The following KCNQ1 variants were observed in gnomAD, a reference collection of about 807,000 sequenced individuals.
The protein encoded by KCNQ1 is potassium voltage-gated channel subfamily KQT member 1.
A neutral mutation model predicts 72.4 loss-of-function variants in KCNQ1; 49 were observed. The observed-to-expected ratio is 0.68, with a 90% CI of 0.54 to 0.86. KCNQ1 has a LOEUF of 0.86. Among genes scored for constraint, KCNQ1 ranks in the 40% least tolerant of loss-of-function variants. KCNQ1 has a pLI of 0.00. For synonymous variants in KCNQ1, 450 were observed against 412.6 expected (o/e 1.09, Z -1.10); for missense variants, 790 against 945.1 (o/e 0.84, Z 2.15).
chr11:2,669,709 C>A lies in KCNQ1; in HGVS notation c.1514+7628C>A, dbSNP rs867493320. The A allele has an allele frequency of 5.0e-6, 2 of 398,666 alleles. No homozygotes were observed. Among genetic ancestry groups the A allele is most frequent in the South Asian group, 2.5e-4 (2 of 7,862 alleles). 24.7% of individuals were successfully genotyped at this position (398,666 alleles called of 1,614,324 possible). ...GGAGATGGTGTTAGGCATCCAGCCACATACCTGACTCGGGGAAATGCCTGA... is the reference window on the plus strand; with the variant it reads ...GGAGATGGTGTTAGGCATCCAGCCAAATACCTGACTCGGGGAAATGCCTGA... On this transcript the variant is annotated intron_variant, in intron 11 of 15. Coordinates refer to ENST00000155840, the MANE Select transcript of KCNQ1 (RefSeq NM_000218.3). This position sits in a 1 kb window ranked among gnomAD's most constrained non-coding sequence, Gnocchi z 5.6.
At chr11:2,692,678 T>C in intron 11 of KCNQ1, 1 of 398,708 alleles carries the variant, frequency 2.5e-6, no homozygotes, top group Non-Finnish European at 4.4e-6. Context: ...CAACATTAGT[T>C]AGTCTTTCTC....
At chr11:2,778,277 C>T (rs969470289) in intron 15 of KCNQ1, among the ~76,000 whole-genome samples, 8 of 152,240 alleles carry the variant, frequency 5.3e-5, no homozygotes, top group Non-Finnish European at 1.2e-4. Flanking sequence ...TGACAAGTGG[C>T]GTCTTTACTG....
At chr11:2,837,315 A>G (rs1848089298) in intron 15 of KCNQ1, among the ~76,000 whole-genome samples, 2 of 152,118 alleles carry the variant, frequency 1.3e-5, no homozygotes, top group South Asian at 4.1e-4. Context: ...GGAGCTGGGG[A>G]CGAGGGGCCT....
At chr11:2,448,593 C>T (rs1292365956) in intron 1 of KCNQ1, among the ~76,000 whole-genome samples, 1 of 152,198 alleles carries the variant, frequency 6.6e-6, no homozygotes, top group African/African-American at 2.4e-5. Context: ...GGCAGGGAGG[C>T]CAGAGGCCAA....
intron 10 of KCNQ1, chr11:2,629,217 T>C: frequency 2.5e-6 from 1 of 398,400 alleles, no homozygotes; most frequent in Non-Finnish European, 4.4e-6. Flanking sequence ...ATTCTATTGA[T>C]CTATGAACAC....
chr11:2,756,237 G>A (rs559811482), intron 11 of KCNQ1, among the ~76,000 whole-genome samples: 3 of 152,294 alleles, frequency 2.0e-5, no homozygotes, highest in Admixed American at 1.3e-4. Flanking sequence ...GTGTTGCAAC[G>A]CTGTTCACAA....
Position 2,808,452 on chromosome 11 carries a change from AT to A in KCNQ1, c.1794+30418del, listed in dbSNP as rs1418715602. 6.6e-6 allele frequency among the ~76,000 whole-genome samples: 1 copy of A among 152,232 alleles called. No homozygotes were observed. Among genetic ancestry groups the A allele is most frequent in the African/African-American group, 2.4e-5 (1 of 41,462 alleles). On this transcript the variant is annotated intron_variant, in intron 15 of 15. Transcript: ENST00000155840. This position sits in a 1 kb window ranked among gnomAD's most constrained non-coding sequence, Gnocchi z 6.0. ...CAGGGAAGACCTCCGAGGGAGGGGCATTTGAAAATAGCATTCAGAGTTGCTA... is the reference window on the plus strand; with the variant it reads ...CAGGGAAGACCTCCGAGGGAGGGGCATTGAAAATAGCATTCAGAGTTGCTA...
chr11:2,480,156 T>G (rs1382525238), intron 1 of KCNQ1, among the ~76,000 whole-genome samples: 1 of 152,208 alleles, frequency 6.6e-6, no homozygotes, highest in Non-Finnish European at 1.5e-5. Flanking sequence ...CACATTTTCT[T>G]GTCATCTTCT....
chr11:2,637,795 C>G (rs7102138), intron 10 of KCNQ1: 132,564 of 152,164 alleles, frequency 0.87, 57,796 homozygotes, highest in East Asian at 0.91. Flanking sequence ...GTTAAAGTCT[C>G]CCATTATTAT....
chr11:2,658,229 C>A lies in KCNQ1; in HGVS notation c.1394-3732C>A, dbSNP rs959958960. ...TCAGCATTCATTCATGGATCGTTTT[C>A]CTGCAGCAAATATTACCGTGATGTA... On this transcript the variant is annotated intron_variant, in intron 10 of 15. Transcript: ENST00000155840. The surrounding 1 kb of genome is among the most constrained non-coding windows in gnomAD (Gnocchi z 4.9). The A allele has an allele frequency of 2.5e-6, 1 of 398,578 alleles. No homozygotes were observed. The allele number at this position is 398,578 out of a possible 1,614,324, so 24.7% of individuals were successfully genotyped here. A position where few individuals can be genotyped will look rare whatever the true frequency, so the allele number is the denominator to read the frequency against.
In KCNQ1 at chr11:2,772,347, G is replaced by A. The variant is rs555042609; in HGVS notation, c.1590+3428G>A. 2.6e-4 allele frequency among the ~76,000 whole-genome samples: 40 copies of A among 152,194 alleles called. No homozygotes were observed. Among genetic ancestry groups the A allele is most frequent in the African/African-American group, 8.2e-4 (34 of 41,534 alleles). On this transcript the variant is annotated intron_variant, in intron 12 of 15. Coordinates refer to ENST00000155840, the MANE Select transcript of KCNQ1 (RefSeq NM_000218.3). This position sits in a 1 kb window ranked among gnomAD's most constrained non-coding sequence, Gnocchi z 6.6. ...ACCCCTGTGTCTGGCCCAAGGAGCC[G>A]GAGCCTCTCCACCCTTCAAGTGTGC...
intron 2 of KCNQ1, among the ~76,000 whole-genome samples, chr11:2,533,234 C>T (rs1409594241): frequency 6.6e-6 from 1 of 152,244 alleles, no homozygotes; most frequent in African/African-American, 2.4e-5. Context: ...AAGGAAACCC[C>T]AGCGCGGCCT....
Position 2,447,855 on chromosome 11 carries a change from G to A in KCNQ1, c.386+2371G>A, listed in dbSNP as rs947775416. Among the ~76,000 whole-genome samples, 37 of 152,180 alleles carry A rather than the reference G, an allele frequency of 2.4e-4. No individual in the cohort carries two copies. Among genetic ancestry groups the A allele is most frequent in the Non-Finnish European group, 4.0e-4 (27 of 68,004 alleles). ...TCCGCTGACCCTACAGGGCTAGGGCGAACTCTCCTGTGTGCGCCTGGGGAA... is the reference window on the plus strand; with the variant it reads ...TCCGCTGACCCTACAGGGCTAGGGCAAACTCTCCTGTGTGCGCCTGGGGAA... On this transcript the variant is annotated intron_variant, in intron 1 of 15. Coordinates refer to ENST00000155840, the MANE Select transcript of KCNQ1 (RefSeq NM_000218.3). The surrounding 1 kb of genome is among the most constrained non-coding windows in gnomAD (Gnocchi z 7.6).
intron 11 of KCNQ1, among the ~76,000 whole-genome samples, chr11:2,741,310 CA>C (rs1188916754): frequency 6.6e-6 from 1 of 152,222 alleles, no homozygotes; most frequent in Non-Finnish European, 1.5e-5. Context: ...GCAGTCACCC[CA>C]GAGAGGTCTG....
At position 2,618,562 on chromosome 11, in the gene KCNQ1, T is replaced by G. The variant is rs1589984699; in HGVS notation, c.1393+29708T>G. On this transcript the variant is annotated intron_variant, in intron 10 of 15. Transcript: ENST00000155840. ...CTATTCTGTTCCACTGGTCTACATG[T>G]TTGTTTTTTATGCCAGGACCATACT... is the stretch of plus-strand genomic sequence containing the variant. 51 of 398,476 alleles carry G rather than the reference T, an allele frequency of 1.3e-4. No individual in the cohort carries two copies. In the East Asian group the frequency reaches 1.8e-3, roughly 14 times the overall value. 24.7% of individuals were successfully genotyped at this position (398,476 alleles called of 1,614,324 possible).
rs1251023164 is a variant in KCNQ1 at position 2,832,823 on chromosome 11, G to A, written c.1795-14944G>A. 2.0e-5 allele frequency among the ~76,000 whole-genome samples: 3 copies of A among 152,176 alleles called. No homozygotes were observed. The East Asian group carries it at 5.8e-4, about 29-fold the overall frequency. ...GCTGGGGCTGCCCCAGGTGACAACTGTAGGGTGTGGGGAAGGTGGCTGCCA... is the reference window on the plus strand; with the variant it reads ...GCTGGGGCTGCCCCAGGTGACAACTATAGGGTGTGGGGAAGGTGGCTGCCA... On this transcript the variant is annotated intron_variant, in intron 15 of 15. Coordinates refer to ENST00000155840, the MANE Select transcript of KCNQ1 (RefSeq NM_000218.3).
chr11:2,716,877 T>TG (rs1564869451), intron 11 of KCNQ1, among the ~76,000 whole-genome samples: 1 of 152,208 alleles, frequency 6.6e-6, no homozygotes, highest in Non-Finnish European at 1.5e-5. Flanking sequence ...TCCTGAATAC[T>TG]GGGTGACTGG....
chr11:2,575,305 G>A (rs1480182567), intron 6 of KCNQ1, among the ~76,000 whole-genome samples: 11 of 152,156 alleles, frequency 7.2e-5, no homozygotes, highest in Non-Finnish European at 4.4e-5. Context: ...CCGAGCCTCG[G>A]CCATCGCGCG....
intron 1 of KCNQ1, among the ~76,000 whole-genome samples, chr11:2,512,178 G>A (rs529104432): frequency 9.2e-5 from 14 of 152,252 alleles, no homozygotes; most frequent in African/African-American, 2.6e-4. Flanking sequence ...CCATAAGCTC[G>A]CTGAGCACTT....
Sources: allele counts gnomAD v4.1 joint callset (sites outside exome capture counted in the v4.1 genomes callset), GRCh38; gene constraint gnomAD v4.1.1; non-coding constraint Gnocchi (gnomAD v3.1); transcripts MANE v1.5; gene names NCBI Gene and HGNC (gene_info 2026-07-23, HGNC 2026-07-21).